The following NOX4 variants were observed in gnomAD, a reference collection of about 807,000 sequenced individuals.
The protein encoded by NOX4 is NADPH oxidase 4.
Under a neutral mutation model 87.6 loss-of-function variants are expected in NOX4, and 69 were observed. The ratio of observed to expected loss-of-function variants is 0.79; its 90% CI spans 0.65 to 0.96. The LOEUF (loss-of-function observed/expected upper bound fraction) is 0.96, where lower values mean the gene tolerates loss of function less well. Ranked by LOEUF, NOX4 falls within the 40% of genes least tolerant of loss-of-function variation. The probability of loss-of-function intolerance (pLI) is 0.00; values close to 1 mark genes in which losing one functional copy is unlikely to be tolerated. For missense variants in NOX4, 680 were observed against 681.5 expected, an observed-to-expected ratio of 1.00 and a Z score of 0.02; for synonymous variants, 275 against 238.2, an observed-to-expected ratio of 1.15 and a Z score of -1.42.
At chr11:89,574,307 A>G in the NOX4 span, among the ~76,000 whole-genome samples, 1 of 152,086 alleles carries the variant, frequency 6.6e-6, no homozygotes, top group Non-Finnish European at 1.5e-5. Flanking sequence ...GGTGACATTT[A>G]TTTCCAAGGC....
the NOX4 span, among the ~76,000 whole-genome samples, chr11:89,514,608 G>C: frequency 5.3e-5 from 8 of 151,908 alleles, no homozygotes; most frequent in Non-Finnish European, 1.0e-4. Flanking sequence ...TACTTCTTAT[G>C]ATGTTAGCTC....
intron 11 of NOX4, among the ~76,000 whole-genome samples, chr11:89,393,948 T>C (rs1308087794): frequency 1.3e-5 from 2 of 152,198 alleles, no homozygotes; most frequent in Non-Finnish European, 2.9e-5. Context: ...CCTTTTCTTC[T>C]GTCTGTACCT....
At chr11:89,435,544 A>T (rs1189371138) in intron 6 of NOX4, among the ~76,000 whole-genome samples, 2 of 152,256 alleles carry the variant, frequency 1.3e-5, no homozygotes, top group African/African-American at 2.4e-5. Context: ...AATGTATAAA[A>T]GTCTCTGAGA....
At chr11:89,523,266 C>T in the NOX4 span, among the ~76,000 whole-genome samples, 1 of 152,116 alleles carries the variant, frequency 6.6e-6, no homozygotes, top group Non-Finnish European at 1.5e-5. Context: ...TCGTAATCCT[C>T]CCGCCTCAGC....
chr11:89,378,802 C>T (rs1431911683), intron 11 of NOX4, among the ~76,000 whole-genome samples: 4 of 152,056 alleles, frequency 2.6e-5, no homozygotes, highest in Non-Finnish European at 5.9e-5. Flanking sequence ...GACTATTATG[C>T]TAGGAGCTCA....
At chr11:89,426,329 A>G (rs979963131) in intron 7 of NOX4, among the ~76,000 whole-genome samples, 2 of 152,036 alleles carry the variant, frequency 1.3e-5, no homozygotes, top group Non-Finnish European at 2.9e-5. Flanking sequence ...TGCATTTCCA[A>G]CTGAGGTACT....
chr11:89,514,812 A>G, the NOX4 span, among the ~76,000 whole-genome samples: 5 of 151,958 alleles, frequency 3.3e-5, no homozygotes, highest in African/African-American at 1.2e-4. Flanking sequence ...GATGAAATGT[A>G]TATGTTAATT....
the NOX4 span, among the ~76,000 whole-genome samples, chr11:89,563,396 G>A: frequency 1.9e-4 from 29 of 152,062 alleles, no homozygotes; most frequent in Non-Finnish European, 3.4e-4. Flanking sequence ...TCTTACTTCT[G>A]GCTTGGTTTC....
intron 16 of NOX4, among the ~76,000 whole-genome samples, chr11:89,337,063 T>C (rs112611422): frequency 1.1e-4 from 16 of 152,198 alleles, no homozygotes; most frequent in African/African-American, 3.8e-4. Context: ...TAATGCATGA[T>C]GGCTATCATT....
intron 4 of NOX4, among the ~76,000 whole-genome samples, chr11:89,446,032 C>A (rs1345231348): frequency 6.6e-5 from 10 of 152,034 alleles, no homozygotes; most frequent in Non-Finnish European, 1.2e-4. Flanking sequence ...AAACAAACAA[C>A]CCAATTAAAA....
chr11:89,552,974 A>C, the NOX4 span, among the ~76,000 whole-genome samples: 2 of 152,250 alleles, frequency 1.3e-5, no homozygotes, highest in East Asian at 3.9e-4. Flanking sequence ...GTCAAGCAGT[A>C]AGAAATTCTT....
intron 1 of NOX4, among the ~76,000 whole-genome samples, chr11:89,497,657 G>T (rs1336803258): frequency 1.3e-5 from 2 of 152,166 alleles, no homozygotes; most frequent in Non-Finnish European, 2.9e-5. Context: ...TGATGAGCTT[G>T]TTTGATTAAT....
Position 89,368,504 on chromosome 11 carries a change from C to T in NOX4, c.1135+4928G>A, listed in dbSNP as rs1383434416. Among the ~76,000 whole-genome samples the T allele has an allele frequency of 3.3e-5, 5 of 152,024 alleles. No individual in the cohort carries two copies. In the East Asian group the frequency reaches 9.7e-4, roughly 29 times the overall value. Reference sequence around the variant, plus strand: ...CTAAGCTGGTGCCTTACTGCTGTGTCCTTACATAACAGAAGAGCAAAAGAG... The same window carrying T: ...CTAAGCTGGTGCCTTACTGCTGTGTTCTTACATAACAGAAGAGCAAAAGAG... On this transcript the variant is annotated intron_variant, in intron 12 of 17. Coordinates refer to ENST00000263317, the MANE Select transcript of NOX4 (RefSeq NM_016931.5).
chr11:89,488,231 C>T (rs1309037377), intron 2 of NOX4, among the ~76,000 whole-genome samples: 1 of 151,896 alleles, frequency 6.6e-6, no homozygotes, highest in East Asian at 1.9e-4. Context: ...TGTTTCTTAT[C>T]CTTTATGCTC....
intron 13 of NOX4, among the ~76,000 whole-genome samples, chr11:89,344,525 G>A (rs1218901034): frequency 2.6e-5 from 4 of 152,130 alleles, no homozygotes; most frequent in Admixed American, 2.0e-4. Flanking sequence ...ACTCCTGCCT[G>A]GGTGACAGAG....
At chr11:89,384,319 A>T (rs1050958841) in intron 11 of NOX4, among the ~76,000 whole-genome samples, 5 of 152,224 alleles carry the variant, frequency 3.3e-5, no homozygotes, top group Non-Finnish European at 7.4e-5. Flanking sequence ...CCTGACACCC[A>T]TCAGGCTCAG....
intron 13 of NOX4, among the ~76,000 whole-genome samples, chr11:89,342,538 G>T (rs1946050162): frequency 6.6e-6 from 1 of 151,824 alleles, no homozygotes; most frequent in Admixed American, 6.6e-5. Context: ...GACTATATAT[G>T]ACTAAATTAA....
the NOX4 span, among the ~76,000 whole-genome samples, chr11:89,505,622 C>A: frequency 1.3e-5 from 2 of 151,408 alleles, no homozygotes; most frequent in African/African-American, 4.9e-5. Flanking sequence ...AGGAAATGTG[C>A]GGCAAAGAGA....
intron 2 of NOX4, among the ~76,000 whole-genome samples, chr11:89,485,182 A>C (rs1445583271): frequency 1.3e-5 from 2 of 152,146 alleles, no homozygotes; most frequent in Non-Finnish European, 2.9e-5. Flanking sequence ...CTAAAGAAAG[A>C]TAATCCCAGT....
Sources: gnomAD v4.1 joint callset for allele counts (sites outside exome capture counted in the v4.1 genomes callset) on GRCh38, gnomAD v4.1.1 for gene constraint, MANE v1.5 for transcripts, NCBI Gene and HGNC (gene_info 2026-07-23, HGNC 2026-07-21) for gene names.